The following ENO1 variants were observed in gnomAD, a reference collection of about 807,000 sequenced individuals.
ENO1 encodes enolase 1, also known as alpha-enolase.
ENO1 carries 33 observed loss-of-function variants against 46.3 expected under a neutral mutation model. The observed-to-expected ratio is 0.71, with a 90% CI of 0.54 to 0.95. ENO1 has a LOEUF of 0.95. Ranked by LOEUF, ENO1 falls within the 40% of genes least tolerant of loss-of-function variation. ENO1 has a pLI of 0.00. For synonymous variants in ENO1, 220 were observed against 216.0 expected (o/e 1.02, Z -0.16); for missense variants, 488 against 553.3 (o/e 0.88, Z 1.18).
rs1215771882 is a variant in ENO1 at position 8,866,326 on chromosome 1, A to G, written c.620T>C (p.Val207Ala). The G allele has an allele frequency of 3.1e-6, 5 of 1,613,978 alleles. No individual in the cohort carries two copies. Among genetic ancestry groups the G allele is most frequent in the Non-Finnish European group, 4.2e-6 (5 of 1,180,004 alleles). Residue 207 changes from valine (V) to alanine (A), a missense_variant, in exon 7 of 12, where the codon GTG becomes GCG. Coordinates refer to ENST00000234590, the MANE Select transcript of ENO1 (RefSeq NM_001428.5). ...GGGAGCAAACCCGCCTTCATCCCCC[A>G]CATTGGTGGCATCTTTCCCATATTT... ...KEKYGKDATNVGDEGGFAPNI... is the reference protein window; with the variant it reads ...KEKYGKDATNAGDEGGFAPNI...
At chr1:8,863,386 T>G in intron 9 of ENO1, 43 bp from the exon 10 acceptor site, 1 of 1,578,962 alleles carries the variant, frequency 6.3e-7, no homozygotes, top group Non-Finnish European at 8.6e-7. Context: ...TCCCATTTTC[T>G]GGTTCCATAA....
intron 8 of ENO1, 52 bp from the exon 9 acceptor site, chr1:8,864,144 A>G (rs1298806558): frequency 1.3e-6 from 2 of 1,592,188 alleles, no homozygotes; most frequent in Non-Finnish European, 1.7e-6. Context: ...AGTGTGCTCC[A>G]CCGCAATGCC....
chr1:8,862,203 T>C (rs1367094093), intron 11 of ENO1, among the ~76,000 whole-genome samples: 1 of 152,074 alleles, frequency 6.6e-6, no homozygotes, highest in Non-Finnish European at 1.5e-5. Flanking sequence ...GAGGCTGCAG[T>C]GAGCTATGAC....
chr1:8,863,413 C>T (rs1442718236), intron 9 of ENO1, 70 bp from the exon 10 acceptor site: 4 of 1,448,856 alleles, frequency 2.8e-6, no homozygotes, highest in African/African-American at 2.8e-5. Context: ...ATGCCATTAC[C>T]CCTCGGTGCC....
chr1:8,861,334 G>A lies in ENO1; in HGVS notation c.*26C>T. 6.2e-7 allele frequency: 1 copy of A among 1,612,786 alleles called. No homozygotes were observed. Among genetic ancestry groups the A allele is most frequent in the East Asian group, 2.2e-5 (1 of 44,876 alleles). On this transcript the variant is annotated 3_prime_UTR_variant, in exon 12 of 12. Transcript: ENST00000234590. ...GGAGGGGTCTGTGTAGCCAACAGGT[G>A]ACCGAAGGGCTTGCCTGCCCACAGC...
Position 8,869,375 on chromosome 1 carries a change from G to C in ENO1, c.240+1077C>G, listed in dbSNP as rs1324332504. On this transcript the variant is annotated intron_variant, in intron 4 of 11. Transcript: ENST00000234590. ...CGGTAACAAGACATTTTGTCTGGGG[G>C]CTGGTCGGGCAGGGAGTAATTACAG... Among the ~76,000 whole-genome samples the C allele has an allele frequency of 2.6e-5, 4 of 152,128 alleles. No homozygotes were observed. In the East Asian group the frequency reaches 7.7e-4, roughly 29 times the overall value.
Position 8,869,865 on chromosome 1 carries a change from T to C in ENO1, c.240+587A>G, listed in dbSNP as rs951379004. Among the ~76,000 whole-genome samples the C allele has an allele frequency of 3.3e-5, 5 of 151,936 alleles. No homozygotes were observed. In the South Asian group the frequency reaches 1.0e-3, roughly 32 times the overall value. On this transcript the variant is annotated intron_variant, in intron 4 of 11. Coordinates refer to ENST00000234590, the MANE Select transcript of ENO1 (RefSeq NM_001428.5). The stretch of plus-strand genomic sequence containing the variant: ...GTGAGCCACTGCACCTGGCCCGGAG[T>C]GTTTTTAGACAGGGGTTTTCAAACC...
chr1:8,861,703 G>A (rs1010825781), intron 11 of ENO1, among the ~76,000 whole-genome samples: 1 of 151,942 alleles, frequency 6.6e-6, no homozygotes, highest in Admixed American at 6.6e-5. Context: ...TCCTCTCCCC[G>A]TCAGTGTTGC....
intron 11 of ENO1, among the ~76,000 whole-genome samples, chr1:8,862,374 G>A (rs917264538): frequency 1.3e-5 from 2 of 152,082 alleles, no homozygotes; most frequent in Non-Finnish European, 2.9e-5. Context: ...AGAACTTAGC[G>A]GGGTGGCGGG....
intron 7 of ENO1, 72 bp from the exon 8 acceptor site, chr1:8,865,554 A>G: frequency 1.4e-6 from 2 of 1,433,000 alleles, no homozygotes; most frequent in Non-Finnish European, 1.9e-6. Context: ...AACAGCTGCT[A>G]CACAGGGACT....
In ENO1 at chr1:8,862,875, A is replaced by G. The variant is rs1393114155; in HGVS notation, c.1235+12T>C. ...GAACCACAGGCCCCTTGTTCTCAGG[A>G]GCCCTCCTTACCTGAGGAGCTGGTT... On this transcript the variant is annotated intron_variant, in intron 11 of 11. Coordinates refer to ENST00000234590, the MANE Select transcript of ENO1 (RefSeq NM_001428.5). The G allele has an allele frequency of 6.2e-7, 1 of 1,613,378 alleles. No homozygotes were observed. The highest frequency in any genetic ancestry group is 1.3e-5 in the African/African-American group (1 of 74,908).
chr1:8,866,600 GAGCCCA>G, intron 6 of ENO1, 99 bp from the exon 7 acceptor site: 1 of 1,316,258 alleles, frequency 7.6e-7, no homozygotes, highest in Non-Finnish European at 1.1e-6. Context: ...GCTCACAGAT[GAGCCCA>G]AGACTTGCTT....
At chr1:8,863,214 G>A (rs747148122) in intron 10 of ENO1, 21 bp downstream of exon 10, 18 of 1,612,824 alleles carry the variant, frequency 1.1e-5, no homozygotes, top group Non-Finnish European at 1.4e-5. Flanking sequence ...AGAGAAGAAA[G>A]GAGGAGACGC....
Position 8,866,469 on chromosome 1 carries a change from A to C in ENO1, c.477T>G (p.Ala159=), listed in dbSNP as rs1217027833. The C allele has an allele frequency of 3.7e-6, 6 of 1,614,118 alleles. No homozygotes were observed. The highest frequency in any genetic ancestry group is 5.1e-6 in the Non-Finnish European group (6 of 1,180,044). The change falls in exon 7 of 12, where the codon GCT becomes GCG. Residue 159 remains alanine, a synonymous_variant. Coordinates refer to ENST00000234590, the MANE Select transcript of ENO1 (RefSeq NM_001428.5). The part of the protein sequence containing the change: ...AFNVINGGSH[A]GNKLAMQEFM... ...ACTCCTGCATGGCCAGCTTGTTGCC[A>C]GCATGAGAACCGCCATTGATGACAT... is the stretch of plus-strand genomic sequence containing the variant.
intron 1 of ENO1, among the ~76,000 whole-genome samples, chr1:8,876,854 TA>T (rs1642743863): frequency 6.6e-6 from 1 of 151,792 alleles, no homozygotes; most frequent in African/African-American, 2.4e-5. Flanking sequence ...ATTTTTTTTT[TA>T]TTTTTTGAGA....
At chr1:8,878,468 C>A (rs1642783607) in intron 1 of ENO1, 112 bp downstream of exon 1, 2 of 370,944 alleles carry the variant, frequency 5.4e-6, no homozygotes, top group Non-Finnish European at 1.1e-5. Flanking sequence ...GCCCCCGACC[C>A]CGCCACGCTG....
At position 8,868,067 on chromosome 1, in the gene ENO1, A is replaced by G; in HGVS notation, c.241-10T>C. 1.2e-6 allele frequency: 2 copies of G among 1,610,572 alleles called. No individual in the cohort carries two copies. The highest frequency in any genetic ancestry group is 1.7e-6 in the Non-Finnish European group (2 of 1,177,036). On this transcript the variant is annotated splice_polypyrimidine_tract_variant and intron_variant, in intron 4 of 11. Coordinates refer to ENST00000234590, the MANE Select transcript of ENO1 (RefSeq NM_001428.5). ...CTGTGACGTTCAGTTTCTACGAGGG[A>G]GAGGGGAGAATGAGGGGTTGGGGCC... is the stretch of plus-strand genomic sequence containing the variant.
At chr1:8,872,415 G>C (rs551992838) in intron 2 of ENO1, among the ~76,000 whole-genome samples, 2 of 151,222 alleles carry the variant, frequency 1.3e-5, no homozygotes, top group African/African-American at 4.9e-5. Context: ...ACAGAATCTC[G>C]CTCTATCCCC....
At chr1:8,866,687 C>T (rs1463693324) in intron 6 of ENO1, 186 bp from the exon 7 acceptor site, 3 of 645,076 alleles carry the variant, frequency 4.7e-6, no homozygotes, top group African/African-American at 1.8e-5. Context: ...TTTTTAGAGA[C>T]AGGGTTTCAC....
Sources: gnomAD v4.1 joint callset for allele counts (sites outside exome capture counted in the v4.1 genomes callset) on GRCh38, gnomAD v4.1.1 for gene constraint, MANE v1.5 for transcripts, NCBI Gene and HGNC (gene_info 2026-07-23, HGNC 2026-07-21) for gene names.